The following THSD7B variants were observed in gnomAD, a reference collection of about 807,000 sequenced individuals.
The protein encoded by THSD7B is thrombospondin type 1 domain containing 7B.
In THSD7B, 138 loss-of-function variants were observed where a neutral mutation model predicts 213.6. The ratio of observed to expected loss-of-function variants is 0.65; its 90% CI spans 0.56 to 0.74. The LOEUF (loss-of-function observed/expected upper bound fraction) is 0.74. Ranked by LOEUF, THSD7B falls within the 30% of genes least tolerant of loss-of-function variation. The probability of loss-of-function intolerance (pLI) is 0.00; values close to 1 mark genes in which losing one functional copy is unlikely to be tolerated. For synonymous variants in THSD7B, 742 were observed against 687.0 expected (o/e 1.08, Z -1.25); for missense variants, 1,931 against 1,991.5 (o/e 0.97, Z 0.58).
chr2:136,818,160 A>G (rs1332186700), intron 1 of THSD7B, among the ~76,000 whole-genome samples: 1 of 151,504 alleles, frequency 6.6e-6, no homozygotes. Flanking sequence ...ATGTCCATCA[A>G]TAATAGACTG....
chr2:136,867,524 C>A (rs1683363044), intron 1 of THSD7B, among the ~76,000 whole-genome samples: 1 of 152,086 alleles, frequency 6.6e-6, no homozygotes, highest in Non-Finnish European at 1.5e-5. Context: ...GAAATAGTTT[C>A]AAAGAATATA....
intron 17 of THSD7B, among the ~76,000 whole-genome samples, chr2:137,585,077 G>T (rs924715301): frequency 1.3e-5 from 2 of 152,154 alleles, no homozygotes; most frequent in Non-Finnish European, 1.5e-5. Flanking sequence ...GAAGTTGTAT[G>T]TGTCCAGGAA....
At chr2:137,486,014 A>G (rs1351520979) in intron 15 of THSD7B, among the ~76,000 whole-genome samples, 1 of 152,210 alleles carries the variant, frequency 6.6e-6, no homozygotes, top group Non-Finnish European at 1.5e-5. Context: ...ATGGAAAGGA[A>G]CAACCGGTAC....
At chr2:137,170,661 T>C in intron 6 of THSD7B, 80 bp from the exon 7 acceptor site, 1 of 1,427,816 alleles carries the variant, frequency 7.0e-7, no homozygotes, top group Non-Finnish European at 9.5e-7. Context: ...ATAAAACTTT[T>C]CATCTCTCAC....
chr2:136,969,724 A>G (rs1685375271), intron 2 of THSD7B, among the ~76,000 whole-genome samples: 1 of 152,190 alleles, frequency 6.6e-6, no homozygotes, highest in Non-Finnish European at 1.5e-5. Context: ...CTTTATAGAA[A>G]CAGTAATCTC....
At chr2:137,288,667 A>G (rs905784514) in intron 12 of THSD7B, among the ~76,000 whole-genome samples, 4 of 152,058 alleles carry the variant, frequency 2.6e-5, no homozygotes, top group African/African-American at 9.7e-5. Flanking sequence ...TTTTAGGCCA[A>G]TGAGAATAGG....
chr2:137,046,730 CAAAAAAAAAAAAAAA>C (rs59928985), intron 2 of THSD7B, among the ~76,000 whole-genome samples: 25 of 44,314 alleles, frequency 5.6e-4, no homozygotes, highest in Admixed American at 9.1e-4. Context: ...AACTCCGTCT[CAAAAAAAAAAAAAAA>C]AAAAAAAAAA....
At chr2:137,175,987 G>A (rs973249200) in intron 7 of THSD7B, among the ~76,000 whole-genome samples, 1 of 151,942 alleles carries the variant, frequency 6.6e-6, no homozygotes, top group Non-Finnish European at 1.5e-5. Context: ...TAAACTCTTC[G>A]ATTATGTTGT....
intron 12 of THSD7B, among the ~76,000 whole-genome samples, chr2:137,303,716 TTATATATATA>T: frequency 7.8e-6 from 1 of 128,614 alleles, no homozygotes; most frequent in African/African-American, 3.4e-5. Context: ...ATATATATAT[TTATATATATA>T]TTTATATATA....
intron 15 of THSD7B, among the ~76,000 whole-genome samples, chr2:137,531,600 G>A (rs969563330): frequency 1.1e-4 from 17 of 151,864 alleles, no homozygotes; most frequent in African/African-American, 3.9e-4. Flanking sequence ...AATAATTGGG[G>A]TAATTAACCA....
intron 12 of THSD7B, among the ~76,000 whole-genome samples, chr2:137,296,473 T>C (rs1360602546): frequency 6.6e-6 from 1 of 152,138 alleles, no homozygotes; most frequent in Non-Finnish European, 1.5e-5. Flanking sequence ...CTGTTGAAGC[T>C]AGGTAATTAT....
intron 26 of THSD7B, 47 bp from the exon 27 acceptor site, chr2:137,667,727 C>A: frequency 6.7e-7 from 1 of 1,488,440 alleles, no homozygotes; most frequent in Non-Finnish European, 9.2e-7. Context: ...TCAAATGCTG[C>A]AGACTTCTGT....
chr2:137,584,021 TG>T (rs151179689), intron 17 of THSD7B, among the ~76,000 whole-genome samples: 19,770 of 152,128 alleles, frequency 0.13, 1,423 homozygotes, highest in South Asian at 0.22. Flanking sequence ...TGTTGAGCAG[TG>T]GTTTGTAGTT....
At chr2:137,204,068 T>C (rs1207480877) in intron 7 of THSD7B, among the ~76,000 whole-genome samples, 3 of 151,996 alleles carry the variant, frequency 2.0e-5, no homozygotes, top group Non-Finnish European at 4.4e-5. Flanking sequence ...TTCAGATTGG[T>C]GATGTGATGA....
chr2:137,581,828 T>G (rs2105246754), intron 17 of THSD7B, among the ~76,000 whole-genome samples: 1 of 150,626 alleles, frequency 6.6e-6, no homozygotes, highest in African/African-American at 2.4e-5. Context: ...CTGGGCATGG[T>G]GGCTTATACC....
intron 12 of THSD7B, among the ~76,000 whole-genome samples, chr2:137,364,231 G>A (rs1455314507): frequency 6.6e-6 from 1 of 152,238 alleles, no homozygotes; most frequent in Non-Finnish European, 1.5e-5. Flanking sequence ...ACTAGGTATT[G>A]ATGGGACATA....
chr2:137,420,234 C>A (rs1686896120), intron 14 of THSD7B, among the ~76,000 whole-genome samples: 1 of 152,102 alleles, frequency 6.6e-6, no homozygotes, highest in African/African-American at 2.4e-5. Flanking sequence ...TGAACTCCAG[C>A]AGTCCTGGGT....
At chr2:137,193,112 C>A (rs991812790) in intron 7 of THSD7B, among the ~76,000 whole-genome samples, 2 of 152,098 alleles carry the variant, frequency 1.3e-5, no homozygotes, top group African/African-American at 2.4e-5. Context: ...CAGAGTCCAG[C>A]CAATCTCCCA....
intron 20 of THSD7B, among the ~76,000 whole-genome samples, chr2:137,637,661 A>G (rs928261115): frequency 1.6e-4 from 25 of 152,064 alleles, no homozygotes; most frequent in African/African-American, 5.6e-4. Flanking sequence ...TAATAGCATC[A>G]TTTTTTTCTT....
Sources: allele counts gnomAD v4.1 joint callset (sites outside exome capture counted in the v4.1 genomes callset), GRCh38; gene constraint gnomAD v4.1.1; transcripts MANE v1.5; gene names NCBI Gene and HGNC (gene_info 2026-07-23, HGNC 2026-07-21).